ITGA11: variants seen among roughly 807,000 people sequenced by gnomAD.
The protein encoded by ITGA11 is integrin alpha-11.
A neutral mutation model predicts 141.9 loss-of-function variants in ITGA11; 97 were observed. The ratio of observed to expected loss-of-function variants is 0.68; its 90% CI spans 0.58 to 0.81. ITGA11 has a LOEUF of 0.81. Ranked by LOEUF, ITGA11 falls within the 30% of genes least tolerant of loss-of-function variation. ITGA11 has a pLI of 0.00. For missense variants in ITGA11, 1,387 were observed against 1,559.2 expected, an observed-to-expected ratio of 0.89 and a Z score of 1.86; for synonymous variants, 658 against 624.6, an observed-to-expected ratio of 1.05 and a Z score of -0.80.
intron 1 of ITGA11, among the ~76,000 whole-genome samples, chr15:68,404,768 G>A (rs531251003): frequency 4.0e-4 from 61 of 152,282 alleles, no homozygotes; most frequent in East Asian, 5.8e-4. Flanking sequence ...CACTTGGGAC[G>A]CATTAAATTT....
chr15:68,323,238 T>C (rs1273825377), intron 18 of ITGA11, among the ~76,000 whole-genome samples: 1 of 152,058 alleles, frequency 6.6e-6, no homozygotes, highest in Non-Finnish European at 1.5e-5. Flanking sequence ...GTGGAGCCGT[T>C]TGGGAAAGGA....
At chr15:68,372,587 C>G (rs1232852530) in intron 2 of ITGA11, among the ~76,000 whole-genome samples, 1 of 152,226 alleles carries the variant, frequency 6.6e-6, no homozygotes, top group Non-Finnish European at 1.5e-5. Context: ...ATTCCAGCCA[C>G]AGCCCTGTAG....
At chr15:68,355,583 A>C (rs1239581934) in intron 7 of ITGA11, among the ~76,000 whole-genome samples, 2 of 151,774 alleles carry the variant, frequency 1.3e-5, no homozygotes, top group East Asian at 3.9e-4. Context: ...AATAGTTGGG[A>C]CTACAAGCAT....
chr15:68,344,992 C>T (rs1257125290), intron 10 of ITGA11, among the ~76,000 whole-genome samples: 1 of 151,976 alleles, frequency 6.6e-6, no homozygotes, highest in African/African-American at 2.4e-5. Context: ...CTTTGTAGTC[C>T]TCTTTCTCCC....
chr15:68,352,247 C>T (rs144933778), intron 7 of ITGA11, among the ~76,000 whole-genome samples: 7,016 of 149,768 alleles, frequency 0.047, 255 homozygotes, highest in African/African-American at 0.1. Flanking sequence ...GGCTGGAGTG[C>T]GGTGGCACAA....
chr15:68,297,718 A>C lies in ITGA11; in HGVS notation c.*5341T>G, dbSNP rs1892940378. On this transcript the variant is annotated 3_prime_UTR_variant, in exon 30 of 30. Transcript: ENST00000315757. ...CAAGTAACAATAATATGGCATTCTC[A>C]TTTCCAGCCTTCACATCTCAGGAGA... The C allele has an allele frequency of 6.6e-6, 1 of 152,068 alleles. No homozygotes were observed. The allele number at this position is 152,068 out of a possible 1,614,324, so 9.4% of individuals were successfully genotyped here.
At chr15:68,394,278 A>G (rs1274290696) in intron 2 of ITGA11, among the ~76,000 whole-genome samples, 1 of 152,210 alleles carries the variant, frequency 6.6e-6, no homozygotes, top group Admixed American at 6.5e-5. Flanking sequence ...CTTGACCACC[A>G]TGGAATTGAA....
At chr15:68,348,571 C>A (rs114278618) in intron 10 of ITGA11, among the ~76,000 whole-genome samples, 4 of 152,132 alleles carry the variant, frequency 2.6e-5, no homozygotes, top group African/African-American at 9.7e-5. Context: ...ACAGATTGTA[C>A]GTTATTTGTG....
intron 10 of ITGA11, among the ~76,000 whole-genome samples, chr15:68,341,931 C>A (rs551708526): frequency 1.5e-4 from 23 of 152,332 alleles, no homozygotes; most frequent in Non-Finnish European, 2.4e-4. Context: ...CAGTCTCCCA[C>A]CTCATCCCAT....
intron 2 of ITGA11, among the ~76,000 whole-genome samples, chr15:68,399,678 T>A (rs2140406332): frequency 6.6e-6 from 1 of 152,242 alleles, no homozygotes; most frequent in African/African-American, 2.4e-5. Context: ...GCCATTATTC[T>A]AAGCAAATTA....
rs776727963 is a variant in ITGA11, at chr15:68,307,493, C to T, written c.3286-50G>A. On this transcript the variant is annotated intron_variant, in intron 27 of 29. Transcript: ENST00000315757. The surrounding 1 kb of genome is among the most constrained non-coding windows in gnomAD (Gnocchi z 6.1). ...AAGCTGGCTTGGAAGCTTTTCTTCC[C>T]GTCCCCTCCCCAGGCAGCCCCAGGT... The T allele has an allele frequency of 2.1e-5, 32 of 1,521,074 alleles. No homozygotes were observed. Among genetic ancestry groups the T allele is most frequent in the Admixed American group, 1.6e-4 (8 of 51,202 alleles). 94.2% of individuals were successfully genotyped at this position (1,521,074 alleles called of 1,614,324 possible).
rs1894323071 is a variant in ITGA11 at position 68,335,617 on chromosome 15, T to G, written c.1425+80A>C. The stretch of plus-strand genomic sequence containing the variant: ...TTTGGGGCACCCAGTGGTCCAGGCA[T>G]GCCTGTATTTACTGCCCTCCCATTT... On this transcript the variant is annotated intron_variant, in intron 12 of 29. Transcript: ENST00000315757. The surrounding 1 kb of genome is among the most constrained non-coding windows in gnomAD (Gnocchi z 4.9). 2.0e-6 allele frequency: 3 copies of G among 1,490,506 alleles called. No homozygotes were observed. The highest frequency in any genetic ancestry group is 1.2e-5 in the South Asian group (1 of 83,602). The allele number at this position is 1,490,506 out of a possible 1,614,324, so 92.3% of individuals were successfully genotyped here. A position where few individuals can be genotyped will look rare whatever the true frequency, so the allele number is the denominator to read the frequency against.
chr15:68,302,800 G>T lies in ITGA11; in HGVS notation c.*259C>A. On this transcript the variant is annotated 3_prime_UTR_variant, in exon 30 of 30. Coordinates refer to ENST00000315757, the MANE Select transcript of ITGA11 (RefSeq NM_001004439.2). Reference sequence around the variant, plus strand: ...CTGAGGGAGGCCTTGGCATGGGCCTGGGTGTGTGTAGGGGTGTCCCTTTAA... The same window carrying T: ...CTGAGGGAGGCCTTGGCATGGGCCTTGGTGTGTGTAGGGGTGTCCCTTTAA... The T allele has an allele frequency of 2.3e-6, 1 of 426,908 alleles. No homozygotes were observed. The highest frequency in any genetic ancestry group is 4.1e-6 in the Non-Finnish European group (1 of 242,230). The allele number at this position is 426,908 out of a possible 1,614,324, so 26.4% of individuals were successfully genotyped here. A position where few individuals can be genotyped will look rare whatever the true frequency, so the allele number is the denominator to read the frequency against.
chr15:68,375,044 G>A (rs1895693532), intron 2 of ITGA11, among the ~76,000 whole-genome samples: 1 of 152,182 alleles, frequency 6.6e-6, no homozygotes. Context: ...CTCGTCCTGT[G>A]CTCTTTTTTT....
intron 1 of ITGA11, among the ~76,000 whole-genome samples, chr15:68,420,940 G>A (rs1283077671): frequency 6.6e-6 from 1 of 152,346 alleles, no homozygotes; most frequent in East Asian, 1.9e-4. Context: ...ATGCAGGGGG[G>A]TTGAATTTTA....
chr15:68,329,804 C>A (rs1894096861), intron 15 of ITGA11, among the ~76,000 whole-genome samples: 1 of 152,184 alleles, frequency 6.6e-6, no homozygotes, highest in Non-Finnish European at 1.5e-5. Context: ...GCAGCACAGA[C>A]CTTCGAAGAG....
intron 1 of ITGA11, among the ~76,000 whole-genome samples, chr15:68,409,083 C>T (rs560449867): frequency 3.3e-5 from 5 of 152,282 alleles, no homozygotes; most frequent in African/African-American, 9.6e-5. Flanking sequence ...ATCAAGATGC[C>T]CTGGTTCCTT....
At chr15:68,383,328 G>A (rs1895908553) in intron 2 of ITGA11, among the ~76,000 whole-genome samples, 1 of 152,046 alleles carries the variant, frequency 6.6e-6, no homozygotes, top group African/African-American at 2.4e-5. Context: ...CCTCATGAAG[G>A]AGTCAGAGAA....
At chr15:68,367,357 T>C (rs1013362413) in intron 3 of ITGA11, among the ~76,000 whole-genome samples, 1 of 152,200 alleles carries the variant, frequency 6.6e-6, no homozygotes, top group Non-Finnish European at 1.5e-5. Context: ...TCATTGCCTC[T>C]GTCCCAACCA....
Sources: gnomAD v4.1 joint callset for allele counts (sites outside exome capture counted in the v4.1 genomes callset) on GRCh38, gnomAD v4.1.1 for gene constraint, Gnocchi (gnomAD v3.1) non-coding constraint, MANE v1.5 for transcripts, NCBI Gene and HGNC (gene_info 2026-07-23, HGNC 2026-07-21) for gene names.